NMNAT3: variants seen among roughly 807,000 people sequenced by gnomAD.
NMNAT3 encodes nicotinamide/nicotinic acid mononucleotide adenylyltransferase 3.
Under a neutral mutation model 24.8 loss-of-function variants are expected in NMNAT3, and 21 were observed. That is an observed-to-expected ratio of 0.85 (90% CI 0.60 to 1.22). The LOEUF (loss-of-function observed/expected upper bound fraction) is 1.22. NMNAT3 is among the 50% of genes most tolerant of loss of function. The pLI is 0.00. For missense variants in NMNAT3, 387 were observed against 436.6 expected (o/e 0.89, Z 1.01); for synonymous variants, 136 against 155.2 (o/e 0.88, Z 0.92).
intron 2 of NMNAT3, among the ~76,000 whole-genome samples, chr3:139,634,091 C>T (rs2056407403): frequency 6.6e-6 from 1 of 152,164 alleles, no homozygotes; most frequent in Non-Finnish European, 1.5e-5. Context: ...TGATGCTGGC[C>T]AATACTCCAT....
chr3:139,635,379 A>G (rs2056462850), intron 2 of NMNAT3: 1 of 152,188 alleles, frequency 6.6e-6, no homozygotes, highest in Non-Finnish European at 1.5e-5. Context: ...CAAGAAAACA[A>G]CCCTCCTCTA....
At chr3:139,567,366 G>A (rs1329445110) in intron 6 of NMNAT3, 1 of 152,092 alleles carries the variant, frequency 6.6e-6, no homozygotes, top group Non-Finnish European at 1.5e-5. Flanking sequence ...TCTCCTGCCT[G>A]ATTGCCCTGA....
intron 3 of NMNAT3, among the ~76,000 whole-genome samples, chr3:139,623,514 A>C (rs1445799741): frequency 1.3e-5 from 2 of 152,198 alleles, no homozygotes; most frequent in Admixed American, 1.3e-4. Flanking sequence ...ATAAATCAGT[A>C]ACTTAGTCAT....
chr3:139,672,606 A>G (rs2057795307), intron 1 of NMNAT3: 1 of 152,312 alleles, frequency 6.6e-6, no homozygotes, highest in African/African-American at 2.4e-5. Context: ...AACTCACCCG[A>G]CTAAGAGTAG....
At chr3:139,585,865 G>GTA (rs2053917087) in intron 3 of NMNAT3, among the ~76,000 whole-genome samples, 2 of 152,230 alleles carry the variant, frequency 1.3e-5, no homozygotes, top group African/African-American at 4.8e-5. Context: ...ACCCCGGAGG[G>GTA]TATAGCTCCT....
At chr3:139,619,690 G>T (rs2055672524) in intron 3 of NMNAT3, among the ~76,000 whole-genome samples, 1 of 152,064 alleles carries the variant, frequency 6.6e-6, no homozygotes. Context: ...AGATGCCAGG[G>T]GCCTTTCTGA....
chr3:139,627,144 C>T (rs1469206093), intron 3 of NMNAT3, among the ~76,000 whole-genome samples: 1 of 152,026 alleles, frequency 6.6e-6, no homozygotes, highest in African/African-American at 2.4e-5. Flanking sequence ...TTGGAAATGC[C>T]CTATATACAA....
intron 3 of NMNAT3, among the ~76,000 whole-genome samples, chr3:139,605,794 G>C (rs1282114920): frequency 6.6e-6 from 1 of 152,020 alleles, no homozygotes; most frequent in Non-Finnish European, 1.5e-5. Flanking sequence ...AAATGGGGGA[G>C]GGGGCAATAA....
intron 1 of NMNAT3, among the ~76,000 whole-genome samples, chr3:139,660,749 C>T (rs560209336): frequency 6.6e-6 from 1 of 152,256 alleles, no homozygotes; most frequent in African/African-American, 2.4e-5. Flanking sequence ...AAGGTAACAA[C>T]AAACACTCCA....
At chr3:139,663,709 C>T (rs1253736344) in intron 1 of NMNAT3, among the ~76,000 whole-genome samples, 2 of 152,172 alleles carry the variant, frequency 1.3e-5, no homozygotes, top group Non-Finnish European at 2.9e-5. Flanking sequence ...GGGCCTCCCT[C>T]TAACTATACA....
intron 3 of NMNAT3, among the ~76,000 whole-genome samples, chr3:139,598,764 T>A (rs1273221355): frequency 6.6e-6 from 1 of 152,198 alleles, no homozygotes; most frequent in African/African-American, 2.4e-5. Flanking sequence ...GAATGGAGAT[T>A]CAAAAAGTTT....
intron 3 of NMNAT3, among the ~76,000 whole-genome samples, chr3:139,586,641 T>C (rs2053951172): frequency 6.6e-6 from 1 of 152,180 alleles, no homozygotes; most frequent in Non-Finnish European, 1.5e-5. Flanking sequence ...ATTTCAGAGG[T>C]AATGCTTGTG....
intron 1 of NMNAT3, among the ~76,000 whole-genome samples, chr3:139,646,157 A>G (rs1388434211): frequency 2.0e-5 from 3 of 152,206 alleles, no homozygotes; most frequent in African/African-American, 7.2e-5. Context: ...TGAGTTTTAA[A>G]AAACCATGTG....
At chr3:139,591,447 C>G (rs1225764965) in intron 3 of NMNAT3, among the ~76,000 whole-genome samples, 5 of 152,064 alleles carry the variant, frequency 3.3e-5, no homozygotes, top group African/African-American at 7.2e-5. Context: ...CCGGGAAGCT[C>G]GAACTGGGTG....
At chr3:139,586,351 C>T (rs958383533) in intron 3 of NMNAT3, among the ~76,000 whole-genome samples, 2 of 152,176 alleles carry the variant, frequency 1.3e-5, no homozygotes, top group African/African-American at 2.4e-5. Context: ...AACAAACCTT[C>T]ACATGTACCC....
At chr3:139,582,503 G>A (rs1473562214) in intron 4 of NMNAT3, among the ~76,000 whole-genome samples, 1 of 151,590 alleles carries the variant, frequency 6.6e-6, no homozygotes, top group Non-Finnish European at 1.5e-5. Context: ...TTAGGCAGGT[G>A]TGGTGGTGGG....
chr3:139,599,319 G>A (rs2054608193), intron 3 of NMNAT3: 3 of 702,312 alleles, frequency 4.3e-6, no homozygotes, highest in Non-Finnish European at 7.8e-6. Flanking sequence ...TCAGTTCTGG[G>A]GCTTTTGCTG....
intron 6 of NMNAT3, chr3:139,569,248 G>A (rs923755474): frequency 1.4e-5 from 2 of 147,120 alleles, no homozygotes; most frequent in African/African-American, 4.8e-5. Flanking sequence ...CTGCCCGTGA[G>A]ATGGGTTTCC....
At chr3:139,615,456 T>TATCTATCTA (rs2055447559) in intron 3 of NMNAT3, among the ~76,000 whole-genome samples, 1 of 146,846 alleles carries the variant, frequency 6.8e-6, no homozygotes, top group Admixed American at 6.7e-5. Context: ...TCTATCTATC[T>TATCTATCTA]ATCTATCCAT....
Sources: gnomAD v4.1 joint callset for allele counts (sites outside exome capture counted in the v4.1 genomes callset) on GRCh38, gnomAD v4.1.1 for gene constraint, MANE v1.5 for transcripts, NCBI Gene and HGNC (gene_info 2026-07-23, HGNC 2026-07-21) for gene names.